The following BMPER variants were observed in gnomAD, a reference collection of about 807,000 sequenced individuals.
BMPER encodes BMP-binding endothelial regulator protein.
In BMPER, 45 loss-of-function variants were observed where a neutral mutation model predicts 87.3. That is an observed-to-expected ratio of 0.52 (90% confidence interval 0.41 to 0.66). The LOEUF (loss-of-function observed/expected upper bound fraction) is 0.66, where lower values mean the gene tolerates loss of function less well. BMPER is among the 30% of genes least tolerant of loss of function. The pLI is 0.00. For missense variants in BMPER, 784 were observed against 867.5 expected (o/e 0.90, Z 1.21); for synonymous variants, 326 against 316.2 (o/e 1.03, Z -0.33).
chr7:33,906,743 T>A (rs1783827709), intron 1 of BMPER, 75 bp from the exon 2 acceptor site: 4 of 1,322,386 alleles, frequency 3.0e-6, no homozygotes, highest in Non-Finnish European at 4.3e-6. Flanking sequence ...AAAGGATTAG[T>A]GTAAAAATTT....
chr7:34,112,159 G>A (rs1789982262), intron 13 of BMPER, among the ~76,000 whole-genome samples: 1 of 152,018 alleles, frequency 6.6e-6, no homozygotes, highest in Admixed American at 6.6e-5. Context: ...GCTCAAAAAT[G>A]TGTTACACAT....
At chr7:34,069,582 A>G (rs1237956732) in intron 11 of BMPER, among the ~76,000 whole-genome samples, 1 of 152,200 alleles carries the variant, frequency 6.6e-6, no homozygotes, top group African/African-American at 2.4e-5. Context: ...CTGGCCTACG[A>G]GACTCCAAAG....
In BMPER at chr7:34,085,847, C is replaced by T. The variant is rs1431449564; in HGVS notation, c.1500C>T (p.Tyr500=). The T allele has an allele frequency of 6.2e-7, 1 of 1,614,050 alleles. No individual in the cohort carries two copies. Among genetic ancestry groups the T allele is most frequent in the Non-Finnish European group, 8.5e-7 (1 of 1,180,044 alleles). ...AGCTCTGTGGTCTTTGTGGCAACTA[C>T]AATGGACATAAACGTGATGACTTAA... is the stretch of plus-strand genomic sequence containing the variant. ...KGKLCGLCGN[Y]NGHKRDDLIG... The change falls in exon 13 of 15, where the codon TAC becomes TAT. Residue 500 remains tyrosine, a synonymous_variant. Transcript: ENST00000649409.
Position 34,153,230 on chromosome 7 carries a change from A to G in BMPER, c.2015A>G (p.His672Arg). The G allele has an allele frequency of 6.2e-7, 1 of 1,614,084 alleles. No individual in the cohort carries two copies. The highest frequency in any genetic ancestry group is 1.1e-5 in the South Asian group (1 of 91,078). Residue 672 changes from histidine to arginine, a missense_variant, in exon 15 of 15, where the codon CAC becomes CGC. By Grantham distance (29) the His-to-Arg change is conservative. Coordinates refer to ENST00000649409, the MANE Select transcript of BMPER (RefSeq NM_001365308.1). ...CACTGTCCAGCAAACTTGGTCCTTC[A>G]CAAGGGAAGGTGCATCAAGCCAGTC... ...GCHCPANLVL[H>R]KGRCIKPVLC...
At chr7:33,927,254 T>C (rs1403622282) in intron 2 of BMPER, among the ~76,000 whole-genome samples, 3 of 152,234 alleles carry the variant, frequency 2.0e-5, no homozygotes, top group South Asian at 2.1e-4. Flanking sequence ...TTCTGTTTCA[T>C]TGGCTCTGTG....
In BMPER at chr7:33,937,313, G is replaced by A; in HGVS notation, c.244G>A (p.Glu82Lys). 6.2e-7 allele frequency: 1 copy of A among 1,614,224 alleles called. No individual in the cohort carries two copies. The highest frequency in any genetic ancestry group is 8.5e-7 in the Non-Finnish European group (1 of 1,180,042). Residue 82 changes from glutamate (E) to lysine (K), a missense_variant, in exon 3 of 15, where the codon GAG becomes AAG. Physicochemically the swap from Glu to Lys is moderately conservative, Grantham distance 56. Coordinates refer to ENST00000649409, the MANE Select transcript of BMPER (RefSeq NM_001365308.1). ...CLNKEVTCKR[E>K]KCPVLSRDCA... Reference sequence around the variant, plus strand: ...GAACAAGGAAGTGACATGTAAGAGAGAGAAGTGCCCCGTGCTGTCCCGAGA... The same window carrying A: ...GAACAAGGAAGTGACATGTAAGAGAAAGAAGTGCCCCGTGCTGTCCCGAGA...
At chr7:33,959,939 C>T (rs1451365642) in intron 3 of BMPER, among the ~76,000 whole-genome samples, 1 of 152,060 alleles carries the variant, frequency 6.6e-6, no homozygotes, top group Non-Finnish European at 1.5e-5. Context: ...GTTGAATTTG[C>T]AAGTGATTCA....
intron 3 of BMPER, among the ~76,000 whole-genome samples, chr7:33,965,354 C>G (rs971557806): frequency 1.3e-5 from 2 of 151,966 alleles, no homozygotes; most frequent in Non-Finnish European, 2.9e-5. Flanking sequence ...TGAATTTTTT[C>G]TAAGTCCTTT....
At chr7:34,114,733 C>A (rs1043443963) in intron 13 of BMPER, among the ~76,000 whole-genome samples, 2 of 152,180 alleles carry the variant, frequency 1.3e-5, no homozygotes, top group African/African-American at 4.8e-5. Flanking sequence ...AAGCTTGAGC[C>A]GCCATCTGAA....
chr7:34,079,944 G>T (rs992759416), intron 12 of BMPER, among the ~76,000 whole-genome samples: 1 of 152,152 alleles, frequency 6.6e-6, no homozygotes, highest in African/African-American at 2.4e-5. Flanking sequence ...CCTAAGAAAG[G>T]CATTTTAGAA....
intron 3 of BMPER, among the ~76,000 whole-genome samples, chr7:33,964,642 G>T (rs1212227757): frequency 6.6e-6 from 1 of 152,166 alleles, no homozygotes; most frequent in Non-Finnish European, 1.5e-5. Flanking sequence ...AATCCAGACA[G>T]CCTGGTGCTC....
chr7:34,095,398 G>A (rs117013488), intron 13 of BMPER, among the ~76,000 whole-genome samples: 2,956 of 152,256 alleles, frequency 0.019, 40 homozygotes, highest in Middle Eastern at 0.034. Context: ...TAATGTTGGC[G>A]TGTCAGTTGC....
intron 2 of BMPER, among the ~76,000 whole-genome samples, chr7:33,914,186 C>T (rs927461098): frequency 5.3e-5 from 8 of 152,014 alleles, no homozygotes; most frequent in Non-Finnish European, 7.4e-5. Context: ...AGGATGGTCT[C>T]GATCTCCTGA....
chr7:34,018,380 A>G (rs1439932512), intron 6 of BMPER, among the ~76,000 whole-genome samples: 1 of 151,874 alleles, frequency 6.6e-6, no homozygotes, highest in East Asian at 1.9e-4. Flanking sequence ...GAAGCTTTAT[A>G]TGGTTCTAGT....
At chr7:34,065,199 A>ACTCT (rs372015069) in intron 11 of BMPER, among the ~76,000 whole-genome samples, 2,903 of 93,322 alleles carry the variant, frequency 0.031, 37 homozygotes, top group African/African-American at 0.039. Context: ...ACACATACAC[A>ACTCT]CTCACTCTCT....
intron 11 of BMPER, among the ~76,000 whole-genome samples, chr7:34,077,074 A>G (rs1440818587): frequency 6.6e-6 from 1 of 152,134 alleles, no homozygotes; most frequent in Non-Finnish European, 1.5e-5. Context: ...CCGAACTGTC[A>G]TTCTCCTGAT....
At chr7:33,994,696 C>T (rs952371533) in intron 6 of BMPER, among the ~76,000 whole-genome samples, 4 of 152,208 alleles carry the variant, frequency 2.6e-5, no homozygotes, top group South Asian at 2.1e-4. Flanking sequence ...GACTTTAGGG[C>T]GTGATGATGG....
chr7:33,940,410 T>C (rs1784723338), intron 3 of BMPER, among the ~76,000 whole-genome samples: 1 of 152,144 alleles, frequency 6.6e-6, no homozygotes, highest in Non-Finnish European at 1.5e-5. Context: ...GGCAAGAAGC[T>C]AAAGCCAAAG....
At chr7:34,057,746 G>A (rs551926259) in intron 9 of BMPER, among the ~76,000 whole-genome samples, 72 of 152,160 alleles carry the variant, frequency 4.7e-4, no homozygotes, top group African/African-American at 1.6e-3. Context: ...CCCCCAGGGT[G>A]GAACTAAGTA....
Sources: gnomAD v4.1 joint callset for allele counts (sites outside exome capture counted in the v4.1 genomes callset) on GRCh38, gnomAD v4.1.1 for gene constraint, MANE v1.5 for transcripts, NCBI Gene and HGNC (gene_info 2026-07-23, HGNC 2026-07-21) for gene names.